Variants in SAMSN1 observed in about 807,000 individuals in gnomAD.
SAMSN1 encodes the protein SAM domain, SH3 domain and nuclear localization signals 1.
Under a neutral mutation model 42.0 loss-of-function variants are expected in SAMSN1, and 31 were observed. That is an observed-to-expected ratio of 0.74 (90% CI 0.55 to 1.00). The LOEUF is 1.00. Among genes scored for constraint, SAMSN1 ranks in the 50% least tolerant of loss-of-function variants. The probability of loss-of-function intolerance (pLI) is 0.00; values close to 1 mark genes in which losing one functional copy is unlikely to be tolerated. For synonymous variants in SAMSN1, 178 were observed against 151.9 expected (o/e 1.17, Z -1.26); for missense variants, 464 against 439.4 (o/e 1.06, Z -0.50).
chr21:14,602,107 A>C (rs1982451715), intron 5 of SAMSN1: 1 of 651,928 alleles, frequency 1.5e-6, no homozygotes, highest in Non-Finnish European at 2.9e-6. Flanking sequence ...GATCTAAGAA[A>C]AGAGATAACT....
intron 1 of SAMSN1, among the ~76,000 whole-genome samples, chr21:14,542,589 T>C (rs1157020225): frequency 6.6e-6 from 1 of 152,188 alleles, no homozygotes; most frequent in Non-Finnish European, 1.5e-5. Flanking sequence ...ATCTGAATAT[T>C]GTATATGCTT....
At chr21:14,556,616 A>T (rs553791453) in intron 2 of SAMSN1, among the ~76,000 whole-genome samples, 1 of 152,316 alleles carries the variant, frequency 6.6e-6, no homozygotes, top group East Asian at 1.9e-4. Context: ...TTGTAAATAG[A>T]TGCACATTGC....
At chr21:14,560,564 C>T (rs1980912844) in intron 2 of SAMSN1, among the ~76,000 whole-genome samples, 1 of 152,168 alleles carries the variant, frequency 6.6e-6, no homozygotes, top group Non-Finnish European at 1.5e-5. Flanking sequence ...GAGGGGTGAT[C>T]TTTTCTGCAT....
intron 1 of SAMSN1, among the ~76,000 whole-genome samples, chr21:14,650,026 A>T (rs1226814160): frequency 6.6e-6 from 1 of 152,128 alleles, no homozygotes; most frequent in African/African-American, 2.4e-5. Context: ...CCAACACTGG[A>T]GTACTCAGGC....
At chr21:14,529,665 G>A (rs1431227725) in intron 1 of SAMSN1, among the ~76,000 whole-genome samples, 2 of 152,044 alleles carry the variant, frequency 1.3e-5, no homozygotes, top group Admixed American at 1.3e-4. Flanking sequence ...AACCATAAGA[G>A]CTAAATAGAA....
rs149163104 is a variant in SAMSN1, at chr21:14,564,811, T to C, written c.261+17325A>G. Among the ~76,000 whole-genome samples, 9 of 152,250 alleles carry C rather than the reference T, an allele frequency of 5.9e-5. No homozygotes were observed. In the East Asian group the frequency reaches 1.7e-3, roughly 29 times the overall value. On this transcript the variant is annotated intron_variant, in intron 2 of 8. Coordinates refer to the SAMSN1 transcript ENST00000285670. ...CTCCTAAGACCCAAGGGAGTATTTTTAGGAGCAGTCAGAGGAAGAAACCGA... is the reference window on the plus strand; with the variant it reads ...CTCCTAAGACCCAAGGGAGTATTTTCAGGAGCAGTCAGAGGAAGAAACCGA...
At chr21:14,550,869 C>T (rs777271346), upstream of SAMSN1, among the ~76,000 whole-genome samples, 26 of 152,170 alleles carry the variant, frequency 1.7e-4, no homozygotes, top group South Asian at 6.2e-4. Context: ...TGGAGATGAA[C>T]ATATCATGCA....
Position 14,485,626 on chromosome 21 carries a change from C to T in SAMSN1, c.*286G>A. 1 of 227,366 alleles carries T rather than the reference C, an allele frequency of 4.4e-6. No individual in the cohort carries two copies. The highest frequency in any genetic ancestry group is 8.6e-6 in the Non-Finnish European group (1 of 115,862). The allele number at this position is 227,366 out of a possible 1,614,324, so 14.1% of individuals were successfully genotyped here. ...AGATACTGTACTTGTAAAATAAAGC[C>T]AAATAAAGCATATGTCACACATACC... On this transcript the variant is annotated 3_prime_UTR_variant, in exon 8 of 8. Coordinates refer to ENST00000400566, the MANE Select transcript of SAMSN1 (RefSeq NM_022136.5).
chr21:14,498,998 C>T (rs1014476831), intron 6 of SAMSN1, among the ~76,000 whole-genome samples: 7 of 152,192 alleles, frequency 4.6e-5, no homozygotes, highest in Non-Finnish European at 7.4e-5. Context: ...GAATCTACAT[C>T]TCTTCTTGTT....
intron 1 of SAMSN1, among the ~76,000 whole-genome samples, chr21:14,649,716 G>T (rs1307011798): frequency 6.6e-6 from 1 of 151,472 alleles, no homozygotes; most frequent in Non-Finnish European, 1.5e-5. Flanking sequence ...ATTGCAGTGA[G>T]CCAAGATCAT....
At chr21:14,625,215 C>A (rs922221049) in intron 2 of SAMSN1, among the ~76,000 whole-genome samples, 1 of 152,030 alleles carries the variant, frequency 6.6e-6, no homozygotes, top group Non-Finnish European at 1.5e-5. Context: ...TGAAAACTGG[C>A]ACAAGACAGG....
chr21:14,569,873 C>T (rs953975359), intron 2 of SAMSN1, among the ~76,000 whole-genome samples: 10 of 151,892 alleles, frequency 6.6e-5, no homozygotes, highest in African/African-American at 1.7e-4. Flanking sequence ...CCAAAAACAA[C>T]GAATCTAAAT....
intron 2 of SAMSN1, among the ~76,000 whole-genome samples, chr21:14,565,698 T>C (rs947344176): frequency 1.3e-5 from 2 of 151,600 alleles, no homozygotes; most frequent in African/African-American, 2.4e-5. Flanking sequence ...GTAGTGTGAC[T>C]GCGGATGTCA....
intron 2 of SAMSN1, among the ~76,000 whole-genome samples, chr21:14,571,879 A>C (rs1297928656): frequency 2.0e-5 from 3 of 152,208 alleles, no homozygotes; most frequent in Non-Finnish European, 4.4e-5. Flanking sequence ...CCCGTTGCTC[A>C]CTGTATACAT....
chr21:14,553,311 T>A (rs1980660263), intron 2 of SAMSN1, among the ~76,000 whole-genome samples: 1 of 152,158 alleles, frequency 6.6e-6, no homozygotes, highest in African/African-American at 2.4e-5. Flanking sequence ...AATTAATAAC[T>A]GTCTTTCTTT....
At chr21:14,576,713 C>T (rs985490045) in intron 2 of SAMSN1, among the ~76,000 whole-genome samples, 6 of 152,160 alleles carry the variant, frequency 3.9e-5, no homozygotes, top group Non-Finnish European at 7.3e-5. Flanking sequence ...CAAAAAAAGT[C>T]TCATACTTGC....
chr21:14,504,902 C>T (rs937730462), intron 5 of SAMSN1, among the ~76,000 whole-genome samples: 1 of 152,224 alleles, frequency 6.6e-6, no homozygotes, highest in Non-Finnish European at 1.5e-5. Context: ...GCAGATTTCT[C>T]AGCAGAAACC....
chr21:14,610,846 A>G (rs1467439856), intron 4 of SAMSN1, among the ~76,000 whole-genome samples: 2 of 152,234 alleles, frequency 1.3e-5, no homozygotes, highest in Non-Finnish European at 2.9e-5. Flanking sequence ...TTCACCATAT[A>G]TGATAGAATG....
At chr21:14,595,162 A>G (rs1044200756) in intron 6 of SAMSN1, among the ~76,000 whole-genome samples, 3 of 152,138 alleles carry the variant, frequency 2.0e-5, no homozygotes, top group African/African-American at 7.2e-5. Context: ...ATCACCTCCT[A>G]CCAGGCCCCA....
Sources: allele counts gnomAD v4.1 joint callset (sites outside exome capture counted in the v4.1 genomes callset), GRCh38; gene constraint gnomAD v4.1.1; transcripts MANE v1.5; gene names NCBI Gene and HGNC (gene_info 2026-07-23, HGNC 2026-07-21).